The following PTPRD variants were observed in gnomAD, a reference collection of about 807,000 sequenced individuals.
The protein encoded by PTPRD is receptor-type tyrosine-protein phosphatase delta.
In PTPRD, 34 loss-of-function variants were observed where a neutral mutation model predicts 214.5. The observed-to-expected ratio is 0.16, with a 90% CI of 0.12 to 0.21. PTPRD has a LOEUF of 0.21. Among genes scored for constraint, PTPRD ranks in the 10% least tolerant of loss-of-function variants. The pLI, the probability that PTPRD is intolerant of heterozygous loss-of-function variation, is 1.00. For synonymous variants in PTPRD, 1,128 were observed against 845.7 expected (o/e 1.33, Z -5.79); for missense variants, 2,545 against 2,398.7 (o/e 1.06, Z -1.27).
chr9:9,269,094 T>A (rs971411351), intron 9 of PTPRD, among the ~76,000 whole-genome samples: 19 of 150,758 alleles, frequency 1.3e-4, no homozygotes, highest in Middle Eastern at 3.4e-3. Flanking sequence ...TGGGAAAAAA[T>A]ATCTGCAAAC....
chr9:10,486,305 T>C (rs1016361200), intron 2 of PTPRD, among the ~76,000 whole-genome samples: 1 of 152,220 alleles, frequency 6.6e-6, no homozygotes, highest in Non-Finnish European at 1.5e-5. Context: ...AGGGTTTTTA[T>C]GGTTTTGGGT....
At chr9:10,547,153 G>T (rs1019729823) in intron 2 of PTPRD, among the ~76,000 whole-genome samples, 2 of 151,976 alleles carry the variant, frequency 1.3e-5, no homozygotes, top group African/African-American at 4.8e-5. Flanking sequence ...AGAAGAATTG[G>T]GGCAGGGTGG....
intron 5 of PTPRD, among the ~76,000 whole-genome samples, chr9:9,934,209 G>A (rs1380854823): frequency 6.8e-6 from 1 of 147,386 alleles, no homozygotes; most frequent in Non-Finnish European, 1.5e-5. Context: ...GCTAGCAGAA[G>A]GCAAGAAATA....
intron 5 of PTPRD, among the ~76,000 whole-genome samples, chr9:9,886,909 G>C (rs1367500920): frequency 6.6e-6 from 1 of 152,122 alleles, no homozygotes; most frequent in African/African-American, 2.4e-5. Context: ...AGATGGAGCA[G>C]GCCAGATGGA....
intron 11 of PTPRD, among the ~76,000 whole-genome samples, chr9:8,974,930 G>C (rs12339411): frequency 0.53 from 79,933 of 150,758 alleles, 21,594 homozygotes; most frequent in East Asian, 0.76. Context: ...AACCCCGTCT[G>C]TACTAAAAAT....
At chr9:9,816,759 G>C (rs549820109) in intron 5 of PTPRD, among the ~76,000 whole-genome samples, 2 of 151,922 alleles carry the variant, frequency 1.3e-5, no homozygotes, top group Non-Finnish European at 2.9e-5. Context: ...TAAAAGTCAT[G>C]CATAAGGTGC....
At chr9:9,713,316 G>T (rs1365300757) in intron 7 of PTPRD, among the ~76,000 whole-genome samples, 2 of 152,030 alleles carry the variant, frequency 1.3e-5, no homozygotes, top group Non-Finnish European at 1.5e-5. Flanking sequence ...ATGGGGAAAG[G>T]GAATATTTCT....
intron 7 of PTPRD, among the ~76,000 whole-genome samples, chr9:9,711,354 A>C (rs936712936): frequency 1.3e-5 from 2 of 152,154 alleles, no homozygotes; most frequent in Admixed American, 6.5e-5. Context: ...AGAATCTACC[A>C]ACGATGATAA....
At chr9:9,604,757 C>G (rs1373383159) in intron 7 of PTPRD, among the ~76,000 whole-genome samples, 1 of 151,784 alleles carries the variant, frequency 6.6e-6, no homozygotes. Flanking sequence ...AAACATCATC[C>G]ATTTCTATGG....
intron 6 of PTPRD, among the ~76,000 whole-genome samples, chr9:9,741,473 A>G (rs1396956297): frequency 8.7e-5 from 4 of 45,816 alleles, no homozygotes; most frequent in Non-Finnish European, 1.6e-4. Flanking sequence ...TTATGATTAT[A>G]CTTATAAGTT....
At chr9:8,755,901 T>C (rs1199128284) in intron 11 of PTPRD, among the ~76,000 whole-genome samples, 2 of 152,210 alleles carry the variant, frequency 1.3e-5, no homozygotes, top group Admixed American at 6.5e-5. Context: ...TCTAATAAAT[T>C]TGCTTATCTG....
At chr9:8,674,999 G>T (rs73425471) in intron 12 of PTPRD, among the ~76,000 whole-genome samples, 160 of 152,132 alleles carry the variant, frequency 1.1e-3, no homozygotes, top group African/African-American at 3.7e-3. Context: ...AATAACCAGG[G>T]TATATTTTTT....
intron 3 of PTPRD, among the ~76,000 whole-genome samples, chr9:10,259,975 T>C (rs2093586840): frequency 6.6e-6 from 1 of 152,174 alleles, no homozygotes; most frequent in Non-Finnish European, 1.5e-5. Context: ...TGGAGCTGAG[T>C]TCATCTCAGG....
chr9:8,667,583 T>C (rs2097195438), intron 12 of PTPRD, among the ~76,000 whole-genome samples: 1 of 152,114 alleles, frequency 6.6e-6, no homozygotes, highest in Admixed American at 6.5e-5. Flanking sequence ...AAAGATTGCA[T>C]AAAATTATCT....
intron 36 of PTPRD, among the ~76,000 whole-genome samples, chr9:8,398,801 T>G (rs942149863): frequency 6.6e-6 from 1 of 152,180 alleles, no homozygotes; most frequent in Non-Finnish European, 1.5e-5. Flanking sequence ...TGCTGGCACC[T>G]TGATCTTAGA....
intron 5 of PTPRD, among the ~76,000 whole-genome samples, chr9:9,874,954 A>G (rs2066444972): frequency 6.6e-6 from 1 of 152,160 alleles, no homozygotes; most frequent in Non-Finnish European, 1.5e-5. Flanking sequence ...TTACCTTAAA[A>G]TTTCTGAGCT....
intron 14 of PTPRD, among the ~76,000 whole-genome samples, chr9:8,556,879 C>T (rs755051634): frequency 6.6e-6 from 1 of 152,046 alleles, no homozygotes; most frequent in Non-Finnish European, 1.5e-5. Flanking sequence ...GGTGAGTAAC[C>T]TAATGAATTA....
chr9:8,843,203 C>G (rs541802771), intron 11 of PTPRD, among the ~76,000 whole-genome samples: 2 of 152,152 alleles, frequency 1.3e-5, no homozygotes, highest in East Asian at 3.9e-4. Context: ...ATATTTGTTC[C>G]TTTATTTGAT....
chr9:9,949,674 G>T (rs1182612536), intron 4 of PTPRD, among the ~76,000 whole-genome samples: 5 of 151,910 alleles, frequency 3.3e-5, no homozygotes, highest in African/African-American at 1.2e-4. Context: ...GGAAACTCTG[G>T]CAAAGAAACA....
Sources: gnomAD v4.1 joint callset for allele counts (sites outside exome capture counted in the v4.1 genomes callset) on GRCh38, gnomAD v4.1.1 for gene constraint, MANE v1.5 for transcripts, NCBI Gene and HGNC (gene_info 2026-07-23, HGNC 2026-07-21) for gene names.